CAMTA1: variants seen among roughly 807,000 people sequenced by gnomAD.
The protein encoded by CAMTA1 is calmodulin binding transcription activator 1, also known as calmodulin-binding transcription activator 1.
CAMTA1 carries 27 observed loss-of-function variants against 170.9 expected under a neutral mutation model. The ratio of observed to expected loss-of-function variants is 0.16; its 90% CI spans 0.12 to 0.22. The LOEUF (loss-of-function observed/expected upper bound fraction) is 0.22. CAMTA1 is among the 10% of genes least tolerant of loss of function. CAMTA1 has a pLI of 1.00. For missense variants in CAMTA1, 1,619 were observed against 2,217.2 expected, an observed-to-expected ratio of 0.73 and a Z score of 5.42; for synonymous variants, 833 against 891.5, an observed-to-expected ratio of 0.93 and a Z score of 1.17.
chr1:7,663,912 G>A lies in CAMTA1; in HGVS notation c.1365G>A (p.Met455Ile), dbSNP rs763706908. ...PTTGSSESLS[M>I]LPTNVSEELV... ...CGGGCAGCTCGGAGAGCCTGTCCAT[G>A]CTGCCCACCAACGTGTCCGAAGAGC... is the stretch of plus-strand genomic sequence containing the variant. The change falls in exon 9 of 23, where the codon ATG becomes ATA. Residue 455 changes from methionine (M) to isoleucine (I), a missense_variant. Met to Ile is a conservative substitution (Grantham distance 10). Coordinates refer to ENST00000303635, the MANE Select transcript of CAMTA1 (RefSeq NM_015215.4). 7 of 1,613,758 alleles carry A rather than the reference G, an allele frequency of 4.3e-6. No homozygotes were observed. The highest frequency in any genetic ancestry group is 5.1e-6 in the Non-Finnish European group (6 of 1,180,038).
At chr1:6,888,071 A>G in intron 3 of CAMTA1, 2 of 1,058,730 alleles carry the variant, frequency 1.9e-6, no homozygotes, top group Non-Finnish European at 2.3e-6. Context: ...TATGTTTTCC[A>G]GTCAGTTACC....
intron 3 of CAMTA1, among the ~76,000 whole-genome samples, chr1:6,859,162 C>A (rs1032096728): frequency 6.6e-6 from 1 of 152,066 alleles, no homozygotes; most frequent in African/African-American, 2.4e-5. Flanking sequence ...TGATTTATAT[C>A]CTTTTTTGGA....
Position 7,200,894 on chromosome 1 carries a change from T to C in CAMTA1, c.303-48597T>C, listed in dbSNP as rs149467601. ...TTAAAAATTTTGAAAAACAGCTTTATTGTGATGTAATTCACGTGCTGTACA... is the reference window on the plus strand; with the variant it reads ...TTAAAAATTTTGAAAAACAGCTTTACTGTGATGTAATTCACGTGCTGTACA... On this transcript the variant is annotated intron_variant, in intron 4 of 22. Coordinates refer to ENST00000303635, the MANE Select transcript of CAMTA1 (RefSeq NM_015215.4). Among the ~76,000 whole-genome samples the C allele has an allele frequency of 4.0e-3, 603 of 152,354 alleles. 4 individuals are homozygous for C. The highest frequency in any genetic ancestry group is 0.013 in the African/African-American group (559 of 41,580).
chr1:7,520,722 C>T (rs137902497), intron 6 of CAMTA1, among the ~76,000 whole-genome samples: 9 of 152,268 alleles, frequency 5.9e-5, no homozygotes, highest in African/African-American at 1.9e-4. Flanking sequence ...CAGGCTCCTA[C>T]GCCAAGGACC....
chr1:7,083,804 G>C (rs1640352442), intron 3 of CAMTA1, among the ~76,000 whole-genome samples: 1 of 152,162 alleles, frequency 6.6e-6, no homozygotes, highest in East Asian at 1.9e-4. Context: ...ACATAACACA[G>C]AGATCTGGCA....
chr1:6,953,029 A>C (rs1269185592), intron 3 of CAMTA1, among the ~76,000 whole-genome samples: 1 of 152,090 alleles, frequency 6.6e-6, no homozygotes, highest in Admixed American at 6.5e-5. Context: ...CTTGTTTCAT[A>C]ACATCGGGTT....
chr1:7,561,281 G>C lies in CAMTA1; in HGVS notation c.511-79119G>C, dbSNP rs2150258059. 6.6e-6 allele frequency among the ~76,000 whole-genome samples: 1 copy of C among 151,906 alleles called. No individual in the cohort carries two copies. Among genetic ancestry groups the C allele is most frequent in the African/African-American group, 2.4e-5 (1 of 41,456 alleles). ...TCCCAGCCCCTCTACCATCTGCTCA[G>C]CTACCAAGGCTGAGGTTGGTGCTCC... On this transcript the variant is annotated intron_variant, in intron 6 of 22. Transcript: ENST00000303635. The surrounding 1 kb of genome is among the most constrained non-coding windows in gnomAD (Gnocchi z 5.3).
At position 7,426,057 on chromosome 1, in the gene CAMTA1, G is replaced by C. The variant is rs1053637450; in HGVS notation, c.439-41773G>C. Among the ~76,000 whole-genome samples, 2 of 152,180 alleles carry C rather than the reference G, an allele frequency of 1.3e-5. No individual in the cohort carries two copies. The highest frequency in any genetic ancestry group is 2.9e-5 in the Non-Finnish European group (2 of 68,036). On this transcript the variant is annotated intron_variant, in intron 5 of 22. Transcript: ENST00000303635. This position sits in a 1 kb window ranked among gnomAD's most constrained non-coding sequence, Gnocchi z 4.8. ...ACAGGTGAGCTGCGGTCCTGGAAAA[G>C]GTGGCAGGGTAGGGGCCTCCTGGCA...
chr1:7,336,751 G>C (rs548944836), intron 5 of CAMTA1, among the ~76,000 whole-genome samples: 1 of 152,302 alleles, frequency 6.6e-6, no homozygotes, highest in Non-Finnish European at 1.5e-5. Context: ...TTCACGTCCC[G>C]AGGTGGGCAG....
chr1:7,750,975 A>G, intron 19 of CAMTA1: 1 of 638,326 alleles, frequency 1.6e-6, no homozygotes, highest in Non-Finnish European at 2.9e-6. Context: ...ATTTTAGGGA[A>G]AAAATATATG....
rs1318140279 is a variant in CAMTA1, at chr1:7,556,646, C to T, written c.511-83754C>T. The stretch of plus-strand genomic sequence containing the variant: ...CAAACCTTGTGCCCCACCCCACGCT[C>T]CAGACACACTGGCCTCTTGCAGGTG... On this transcript the variant is annotated intron_variant, in intron 6 of 22. Transcript: ENST00000303635. Among the ~76,000 whole-genome samples, 13 of 152,262 alleles carry T rather than the reference C, an allele frequency of 8.5e-5. No individual in the cohort carries two copies. The East Asian group carries it at 2.5e-3, about 29-fold the overall frequency.
chr1:7,487,465 G>A (rs901827237), intron 6 of CAMTA1, among the ~76,000 whole-genome samples: 4 of 152,216 alleles, frequency 2.6e-5, no homozygotes, highest in African/African-American at 9.7e-5. Context: ...TTAAAGTATT[G>A]CACTGCAGTG....
At chr1:6,900,685 GTAGCTT>G (rs1372036586) in intron 3 of CAMTA1, among the ~76,000 whole-genome samples, 1 of 152,168 alleles carries the variant, frequency 6.6e-6, no homozygotes, top group Admixed American at 6.5e-5. Flanking sequence ...ACCATTTACA[GTAGCTT>G]CAAAAACTTC....
chr1:7,201,962 T>G (rs1460524973), intron 4 of CAMTA1, among the ~76,000 whole-genome samples: 1 of 152,224 alleles, frequency 6.6e-6, no homozygotes, highest in African/African-American at 2.4e-5. Flanking sequence ...GCTTTGCCAA[T>G]CCAAGGCCGT....
At chr1:7,541,198 C>T (rs924848191) in intron 6 of CAMTA1, among the ~76,000 whole-genome samples, 5 of 152,210 alleles carry the variant, frequency 3.3e-5, no homozygotes. Context: ...CATGTCCTCA[C>T]GTTTTGACGC....
In CAMTA1 at chr1:7,716,083, A is replaced by G. The variant is rs148903215; in HGVS notation, c.2915-16365A>G. ...GGTCTCACTCTGTTGCCCGGGCTGG[A>G]GTGCAGCAGCATGATTGAAGCTCAC... is the stretch of plus-strand genomic sequence containing the variant. On this transcript the variant is annotated intron_variant, in intron 11 of 22. Transcript: ENST00000303635. Among the ~76,000 whole-genome samples the G allele has an allele frequency of 7.9e-5, 12 of 152,190 alleles. No homozygotes were observed. In the East Asian group the frequency reaches 2.1e-3, roughly 27 times the overall value.
intron 4 of CAMTA1, among the ~76,000 whole-genome samples, chr1:7,181,503 A>T (rs1444490044): frequency 6.6e-6 from 1 of 152,240 alleles, no homozygotes; most frequent in Non-Finnish European, 1.5e-5. Context: ...AATCAATGAT[A>T]AAAGTAAATT....
chr1:7,256,318 G>T (rs576466811), intron 5 of CAMTA1, among the ~76,000 whole-genome samples: 58 of 152,312 alleles, frequency 3.8e-4, no homozygotes, highest in Admixed American at 1.8e-3. Context: ...CCAGCACTTT[G>T]GGAGGCCGAG....
At chr1:7,470,515 T>C (rs916706579) in intron 6 of CAMTA1, among the ~76,000 whole-genome samples, 6 of 152,112 alleles carry the variant, frequency 3.9e-5, no homozygotes, top group Admixed American at 2.6e-4. Flanking sequence ...GCAGTGCCCA[T>C]GTTGGGAGCT....
Sources: gnomAD v4.1 joint callset for allele counts (sites outside exome capture counted in the v4.1 genomes callset) on GRCh38, gnomAD v4.1.1 for gene constraint, Gnocchi (gnomAD v3.1) non-coding constraint, MANE v1.5 for transcripts, NCBI Gene and HGNC (gene_info 2026-07-23, HGNC 2026-07-21) for gene names.